Variants in MCF2L observed in about 807,000 individuals in gnomAD.
The protein encoded by MCF2L is MCF.2 cell line derived transforming sequence like, also known as guanine nucleotide exchange factor DBS.
A neutral mutation model predicts 153.4 loss-of-function variants in MCF2L; 97 were observed. That is an observed-to-expected ratio of 0.63 (90% confidence interval 0.54 to 0.75). The LOEUF (loss-of-function observed/expected upper bound fraction) is 0.75. Ranked by LOEUF, MCF2L falls within the 30% of genes least tolerant of loss-of-function variation. The probability of loss-of-function intolerance (pLI) is 0.00; values close to 1 mark genes in which losing one functional copy is unlikely to be tolerated. For missense variants in MCF2L, 1,347 were observed against 1,495.2 expected, an observed-to-expected ratio of 0.90 and a Z score of 1.64; for synonymous variants, 659 against 632.2, an observed-to-expected ratio of 1.04 and a Z score of -0.64.
intron 1 of MCF2L, among the ~76,000 whole-genome samples, chr13:112,980,767 A>G (rs955588666): frequency 7.2e-6 from 1 of 139,728 alleles, no homozygotes; most frequent in African/African-American, 2.5e-5. Context: ...CAGGGCTAAA[A>G]TAACAGATCC....
rs765108772 is a variant in MCF2L, at chr13:113,024,714, C to G, written c.234C>G (p.Asp78Glu). ...PDYPAFSEIP[D>E]KEFQNVMTYL... ...ACCCGGCCTTCAGCGAGATTCCGGA[C>G]AAGGAGTTCCAGAATGTCATGACCT... The change falls in exon 3 of 30, where the codon GAC becomes GAG. Residue 78 changes from aspartate to glutamate, a missense_variant. Physicochemically the swap from Asp to Glu is conservative, Grantham distance 45. Around this residue, in one of 3 missense-constraint regions of MCF2L, gnomAD observed 820 missense variants for 921.2 expected, o/e 0.89. Coordinates refer to ENST00000535094, the MANE Select transcript of MCF2L (RefSeq NM_001112732.3). 6 of 1,614,208 alleles carry G rather than the reference C, an allele frequency of 3.7e-6. No individual in the cohort carries two copies. The highest frequency in any genetic ancestry group is 1.6e-4 in the Middle Eastern group (1 of 6,062).
rs1451319104 is a variant in MCF2L, at chr13:112,993,140, C to T, written c.80-21623C>T. On this transcript the variant is annotated intron_variant, in intron 1 of 29. Coordinates refer to ENST00000535094, the MANE Select transcript of MCF2L (RefSeq NM_001112732.3). The surrounding 1 kb of genome is among the most constrained non-coding windows in gnomAD (Gnocchi z 4.6). The stretch of plus-strand genomic sequence containing the variant: ...CGCGCTGCCGCGGAGGGAGAGGTAG[C>T]GCGGGGCATGGGGAGGCCACAGAGA... 1.3e-5 allele frequency among the ~76,000 whole-genome samples: 2 copies of T among 152,204 alleles called. No individual in the cohort carries two copies. Among genetic ancestry groups the T allele is most frequent in the African/African-American group, 4.8e-5 (2 of 41,442 alleles).
At chr13:112,905,910 T>C (rs994906716) in intron 2 of MCF2L, among the ~76,000 whole-genome samples, 5 of 152,240 alleles carry the variant, frequency 3.3e-5, no homozygotes, top group African/African-American at 1.2e-4. Flanking sequence ...GAAGTGGAAT[T>C]GCCGCATCAT....
chr13:113,048,703 A>G (rs1259741172), intron 4 of MCF2L, among the ~76,000 whole-genome samples: 1 of 152,062 alleles, frequency 6.6e-6, no homozygotes, highest in Admixed American at 6.5e-5. Flanking sequence ...CGGCCTCCCA[A>G]AGTGCTGGGA....
intron 27 of MCF2L, chr13:113,095,455 G>A: frequency 9.3e-7 from 1 of 1,080,812 alleles, no homozygotes; most frequent in Non-Finnish European, 1.1e-6. Flanking sequence ...ACAGGCTGGT[G>A]GAACAGGGTG....
intron 14 of MCF2L, 54 bp from the exon 15 acceptor site, chr13:113,078,612 T>C: frequency 6.5e-7 from 1 of 1,527,200 alleles, no homozygotes. Flanking sequence ...CCTTGAGAGT[T>C]GGCCCTTGAG....
chr13:112,959,226 G>A (rs1380122437), intron 2 of MCF2L, among the ~76,000 whole-genome samples: 2 of 151,984 alleles, frequency 1.3e-5, no homozygotes, highest in Non-Finnish European at 2.9e-5. Context: ...ATTGTGCTGG[G>A]ATCACCCTCA....
intron 7 of MCF2L, chr13:113,065,353 T>C: frequency 2.1e-6 from 1 of 474,520 alleles, no homozygotes; most frequent in Non-Finnish European, 3.8e-6. Flanking sequence ...GGTCAACCAT[T>C]GGCCCTGGGT....
At chr13:112,976,585 C>T (rs72661949) in intron 1 of MCF2L, among the ~76,000 whole-genome samples, 3,782 of 152,296 alleles carry the variant, frequency 0.025, 64 homozygotes, top group Middle Eastern at 0.048. Context: ...GATGCTCACG[C>T]GGGGAGCAGC....
chr13:112,991,815 TTTG>T (rs2082909604), intron 1 of MCF2L, among the ~76,000 whole-genome samples: 1 of 152,178 alleles, frequency 6.6e-6, no homozygotes, highest in African/African-American at 2.4e-5. Context: ...CAGGGCAGGA[TTTG>T]GCTGGTTCTG....
upstream of MCF2L, chr13:112,964,763 G>T (rs1005382601): frequency 6.6e-6 from 1 of 152,196 alleles, no homozygotes; most frequent in Non-Finnish European, 1.5e-5. Context: ...TGAAAAATTT[G>T]TTACAAAGAA....
At chr13:113,024,032 C>T (rs7991797) in intron 2 of MCF2L, among the ~76,000 whole-genome samples, 39,716 of 152,160 alleles carry the variant, frequency 0.26, 5,448 homozygotes, top group South Asian at 0.45. Context: ...AAATGGACTC[C>T]GTCCGGCCAA....
intron 9 of MCF2L, among the ~76,000 whole-genome samples, chr13:113,072,459 T>C (rs531344979): frequency 6.6e-6 from 1 of 152,338 alleles, no homozygotes; most frequent in Admixed American, 6.5e-5. Context: ...TTTTTCACTG[T>C]CAGGTGTAAT....
At chr13:113,042,115 C>T (rs1489864027) in intron 3 of MCF2L, among the ~76,000 whole-genome samples, 4 of 152,106 alleles carry the variant, frequency 2.6e-5, no homozygotes, top group African/African-American at 4.8e-5. Flanking sequence ...GCCTGCACCC[C>T]GTTCCCACAC....
intron 21 of MCF2L, among the ~76,000 whole-genome samples, chr13:113,086,984 GC>G (rs1217396308): frequency 5.3e-5 from 8 of 152,156 alleles, no homozygotes; most frequent in Non-Finnish European, 1.0e-4. Context: ...CCTACACCCA[GC>G]GCTAGAGCAT....
In MCF2L at chr13:113,099,109, G is replaced by A. The variant is rs1178022603; in HGVS notation, c.*2250G>A. 1 of 152,232 alleles carries A rather than the reference G, an allele frequency of 6.6e-6. No homozygotes were observed. Among genetic ancestry groups the A allele is most frequent in the Non-Finnish European group, 1.5e-5 (1 of 68,048 alleles). The allele number at this position is 152,232 out of a possible 1,614,324, so 9.4% of individuals were successfully genotyped here. On this transcript the variant is annotated 3_prime_UTR_variant, in exon 30 of 30. Coordinates refer to ENST00000535094, the MANE Select transcript of MCF2L (RefSeq NM_001112732.3). Reference sequence around the variant, plus strand: ...ACAGACAAACACCATAAGAAAGCTGGTGTAGCAGTATCGATGACCTGAAAT... The same window carrying A: ...ACAGACAAACACCATAAGAAAGCTGATGTAGCAGTATCGATGACCTGAAAT...
At chr13:112,902,456 T>C (rs1034497512) in intron 2 of MCF2L, 15 of 1,343,606 alleles carry the variant, frequency 1.1e-5, no homozygotes, top group Admixed American at 5.1e-5. Context: ...ATTCCGGTCC[T>C]TTTAGAGATT....
chr13:112,964,152 C>T (rs890805496), intron 2 of MCF2L, among the ~76,000 whole-genome samples: 1 of 152,348 alleles, frequency 6.6e-6, no homozygotes, highest in Middle Eastern at 3.4e-3. Flanking sequence ...TAGCCCACCT[C>T]GGATGGCCCC....
At chr13:113,030,276 T>C (rs1439653428) in intron 3 of MCF2L, among the ~76,000 whole-genome samples, 94 of 77,510 alleles carry the variant, frequency 1.2e-3, no homozygotes, top group Middle Eastern at 0.011. Context: ...TGTCCACTGA[T>C]GCAGGTGTGG....
Sources: allele counts gnomAD v4.1 joint callset (sites outside exome capture counted in the v4.1 genomes callset), GRCh38; gene constraint gnomAD v4.1.1; regional missense constraint gnomAD v4.1.1; non-coding constraint Gnocchi (gnomAD v3.1); transcripts MANE v1.5; gene names NCBI Gene and HGNC (gene_info 2026-07-23, HGNC 2026-07-21).